EYA3: variants seen among roughly 807,000 people sequenced by gnomAD.
EYA3 encodes protein phosphatase EYA3.
A neutral mutation model predicts 80.0 loss-of-function variants in EYA3; 39 were observed. That is an observed-to-expected ratio of 0.49 (90% confidence interval 0.38 to 0.64). The LOEUF (loss-of-function observed/expected upper bound fraction) is 0.64, where lower values mean the gene tolerates loss of function less well. Ranked by LOEUF, EYA3 falls within the 30% of genes least tolerant of loss-of-function variation. The probability of loss-of-function intolerance (pLI) is 0.00; values close to 1 mark genes in which losing one functional copy is unlikely to be tolerated. For synonymous variants in EYA3, 206 were observed against 232.8 expected, an observed-to-expected ratio of 0.88 and a Z score of 1.05; for missense variants, 523 against 676.1, an observed-to-expected ratio of 0.77 and a Z score of 2.51.
chr1:27,973,719 TATC>T lies in EYA3; in HGVS notation c.*744_*746del, dbSNP rs1426890045. On this transcript the variant is annotated 3_prime_UTR_variant, in exon 18 of 18. Coordinates refer to ENST00000373871, the MANE Select transcript of EYA3 (RefSeq NM_001990.4). The stretch of plus-strand genomic sequence containing the variant: ...CTAGGAGATAGAAGAACAGGAAAGG[TATC>T]ATCCTAGAGAGCAGACCACTGGAGC... 2 of 152,100 alleles carry T rather than the reference TATC, an allele frequency of 1.3e-5. No individual in the cohort carries two copies. The highest frequency in any genetic ancestry group is 2.9e-5 in the Non-Finnish European group (2 of 68,034). The allele number at this position is 152,100 out of a possible 1,614,324, so 9.4% of individuals were successfully genotyped here. A position where few individuals can be genotyped will look rare whatever the true frequency, so the allele number is the denominator to read the frequency against.
At chr1:28,062,705 A>G (rs1397479590) in intron 1 of EYA3, among the ~76,000 whole-genome samples, 1 of 125,466 alleles carries the variant, frequency 8.0e-6, no homozygotes, top group Admixed American at 7.8e-5. Flanking sequence ...CTGTTTGTTT[A>G]AAAGCACAGA....
intron 2 of EYA3, among the ~76,000 whole-genome samples, chr1:28,055,573 C>A (rs753693480): frequency 6.7e-5 from 10 of 149,612 alleles, no homozygotes; most frequent in Non-Finnish European, 1.3e-4. Context: ...TGGGTTCAAG[C>A]GATTCTCCTG....
Position 27,971,035 on chromosome 1 carries a change from G to A in EYA3, c.*3431C>T, listed in dbSNP as rs1638705296. On this transcript the variant is annotated 3_prime_UTR_variant, in exon 18 of 18. Transcript: ENST00000373871. ...AAACTGCGAACAAGCTGTGGCATCA[G>A]TCTCTTGGGACAACTCACTAGCTTT... 1 of 152,220 alleles carries A rather than the reference G, an allele frequency of 6.6e-6. No individual in the cohort carries two copies. The highest frequency in any genetic ancestry group is 2.4e-5 in the African/African-American group (1 of 41,452). The allele number at this position is 152,220 out of a possible 1,614,324, so 9.4% of individuals were successfully genotyped here.
At position 27,971,513 on chromosome 1, in the gene EYA3, G is replaced by GA. The variant is rs1445490184; in HGVS notation, c.*2952dup. On this transcript the variant is annotated 3_prime_UTR_variant, in exon 18 of 18. Transcript: ENST00000373871. ...GGAGGCTGAGGTAGGAGAATCGCTT[G>GA]AACCTGGGAGGCGGAGGTTGCAGTG... The GA allele has an allele frequency of 2.3e-4, 35 of 150,470 alleles. No individual in the cohort carries two copies. The highest frequency in any genetic ancestry group is 6.9e-4 in the African/African-American group (28 of 40,744). 9.3% of individuals were successfully genotyped at this position (150,470 alleles called of 1,614,324 possible). A position where few individuals can be genotyped will look rare whatever the true frequency, so the allele number is the denominator to read the frequency against.
At chr1:28,010,168 G>A (rs970771165) in intron 10 of EYA3, among the ~76,000 whole-genome samples, 4 of 152,006 alleles carry the variant, frequency 2.6e-5, no homozygotes, top group Non-Finnish European at 5.9e-5. Flanking sequence ...TAGCACTATA[G>A]AAAAACGGAA....
At chr1:27,997,466 G>C in intron 12 of EYA3, 88 bp from the exon 13 acceptor site, 1 of 1,155,018 alleles carries the variant, frequency 8.7e-7, no homozygotes, top group African/African-American at 1.5e-5. Flanking sequence ...CATATACAGT[G>C]GCAGGATAAT....
chr1:27,978,854 G>A (rs563608964), intron 16 of EYA3, among the ~76,000 whole-genome samples: 1 of 152,228 alleles, frequency 6.6e-6, no homozygotes, highest in East Asian at 1.9e-4. Context: ...CCCAGCTACT[G>A]GGGAGGCTGA....
chr1:28,042,644 T>C lies in EYA3; in HGVS notation c.84A>G (p.Val28=). The C allele has an allele frequency of 1.2e-6, 2 of 1,614,086 alleles. No homozygotes were observed. The highest frequency in any genetic ancestry group is 1.7e-6 in the Non-Finnish European group (2 of 1,179,922). Residue 28 remains valine (V), a synonymous_variant, in exon 4 of 18, where the codon GTA becomes GTG. Coordinates refer to ENST00000373871, the MANE Select transcript of EYA3 (RefSeq NM_001990.4). ...TCTGATCACTGACATCTGGATTGCT[T>C]ACTTGACTGGGAGAACCAAAATGAA... ...QESGEQTISQ[V]SNPDVSDQKP...
At position 28,027,669 on chromosome 1, in the gene EYA3, T is replaced by C. The variant is rs1489687281; in HGVS notation, c.499+120A>G. On this transcript the variant is annotated intron_variant, in intron 7 of 17. Coordinates refer to ENST00000373871, the MANE Select transcript of EYA3 (RefSeq NM_001990.4). ...GCACAAATCCAAGTATCACCCCCTT[T>C]CTACTTTAGAAGACAGAGCTCCTGT... is the stretch of plus-strand genomic sequence containing the variant. 5.4e-6 allele frequency: 7 copies of C among 1,294,144 alleles called. No individual in the cohort carries two copies. In the African/African-American group the frequency reaches 1.0e-4, roughly 19 times the overall value. 80.2% of individuals were successfully genotyped at this position (1,294,144 alleles called of 1,614,324 possible).
At position 27,973,079 on chromosome 1, in the gene EYA3, T is replaced by A. The variant is rs1638792147; in HGVS notation, c.*1387A>T. 6.6e-6 allele frequency: 1 copy of A among 152,204 alleles called. No individual in the cohort carries two copies. The highest frequency in any genetic ancestry group is 1.5e-5 in the Non-Finnish European group (1 of 68,040). 9.4% of individuals were successfully genotyped at this position (152,204 alleles called of 1,614,324 possible). On this transcript the variant is annotated 3_prime_UTR_variant, in exon 18 of 18. Transcript: ENST00000373871. Reference sequence around the variant, plus strand: ...CCCACAATCAGCAAAGTCTTTCTGGTTTCCTACTTTAGAATGGGATTTGAG... The same window carrying A: ...CCCACAATCAGCAAAGTCTTTCTGGATTCCTACTTTAGAATGGGATTTGAG...
intron 2 of EYA3, among the ~76,000 whole-genome samples, chr1:28,055,465 T>C (rs1644403616): frequency 1.2e-5 from 1 of 80,184 alleles, no homozygotes; most frequent in African/African-American, 5.0e-5. Context: ...AGAAAATCTT[T>C]TTTTTTTTTT....
rs1156624969 is a variant in EYA3, at chr1:28,013,327, CTT to C, written c.586-35_586-34del. ...CCAAAGGAAATAAGAAAACAAGACTCTTATAGCATACATTAATCTCAACACAA... is the reference window on the plus strand; with the variant it reads ...CCAAAGGAAATAAGAAAACAAGACTCATAGCATACATTAATCTCAACACAA... On this transcript the variant is annotated intron_variant, in intron 8 of 17. Transcript: ENST00000373871. This position sits in a 1 kb window ranked among gnomAD's most constrained non-coding sequence, Gnocchi z 4.0. 2.6e-6 allele frequency: 4 copies of C among 1,523,016 alleles called. No individual in the cohort carries two copies. The highest frequency in any genetic ancestry group is 3.5e-6 in the Non-Finnish European group (4 of 1,127,264). The allele number at this position is 1,523,016 out of a possible 1,614,324, so 94.3% of individuals were successfully genotyped here. A position where few individuals can be genotyped will look rare whatever the true frequency, so the allele number is the denominator to read the frequency against.
intron 6 of EYA3, among the ~76,000 whole-genome samples, chr1:28,029,206 C>G (rs1169160906): frequency 6.6e-6 from 1 of 152,174 alleles, no homozygotes; most frequent in Non-Finnish European, 1.5e-5. Flanking sequence ...TCCCTTCCTG[C>G]CTTCTGAGCA....
intron 5 of EYA3, among the ~76,000 whole-genome samples, chr1:28,037,076 A>T (rs1423768108): frequency 6.6e-6 from 1 of 152,224 alleles, no homozygotes; most frequent in Non-Finnish European, 1.5e-5. Context: ...AAGGAAGCAA[A>T]GACCTTGAAT....
intron 11 of EYA3, among the ~76,000 whole-genome samples, chr1:28,002,193 G>A (rs1012866512): frequency 1.3e-5 from 2 of 152,086 alleles, no homozygotes; most frequent in Non-Finnish European, 2.9e-5. Flanking sequence ...GGGATTACAG[G>A]TGTGAGCCAC....
intron 8 of EYA3, among the ~76,000 whole-genome samples, chr1:28,014,417 C>CAAAAAAAAAAAAAAAAAAA (rs1173842687): frequency 2.0e-5 from 1 of 49,540 alleles, no homozygotes; most frequent in Non-Finnish European, 4.0e-5. Context: ...CACACTGTCT[C>CAAAAAAAAAAAAAAAAAAA]AAAAAAAAAA....
In EYA3 at chr1:28,042,662, A is replaced by G. The variant is rs1167092646; in HGVS notation, c.78-12T>C. The G allele has an allele frequency of 2.5e-6, 4 of 1,609,528 alleles. No individual in the cohort carries two copies. The South Asian group carries it at 4.4e-5, about 18-fold the overall frequency. Reference sequence around the variant, plus strand: ...GATTGCTTACTTGACTGGGAGAACCAAAATGAATACATTAGCCCCTGATTG... The same window carrying G: ...GATTGCTTACTTGACTGGGAGAACCGAAATGAATACATTAGCCCCTGATTG... On this transcript the variant is annotated splice_polypyrimidine_tract_variant and intron_variant, in intron 3 of 17. Coordinates refer to ENST00000373871, the MANE Select transcript of EYA3 (RefSeq NM_001990.4).
intron 1 of EYA3, among the ~76,000 whole-genome samples, chr1:28,074,133 C>T (rs2148937487): frequency 6.6e-6 from 1 of 152,264 alleles, no homozygotes. Context: ...ACCATCATAA[C>T]AGAAGAATTT....
rs144860146 is a variant in EYA3, at chr1:27,999,435, C to T, written c.1083+525G>A. ...TCTTAGTGTTTCCTGGTTTTTCTGG[C>T]ACCTAACTATAAAATTATTCTGAAT... On this transcript the variant is annotated intron_variant, in intron 12 of 17. Coordinates refer to ENST00000373871, the MANE Select transcript of EYA3 (RefSeq NM_001990.4). Among the ~76,000 whole-genome samples the T allele has an allele frequency of 1.1e-4, 16 of 152,242 alleles. No homozygotes were observed. In the East Asian group the frequency reaches 3.1e-3, roughly 29 times the overall value.
Sources: allele counts gnomAD v4.1 joint callset (sites outside exome capture counted in the v4.1 genomes callset), GRCh38; gene constraint gnomAD v4.1.1; non-coding constraint Gnocchi (gnomAD v3.1); transcripts MANE v1.5; gene names NCBI Gene and HGNC (gene_info 2026-07-23, HGNC 2026-07-21).